Variants in DNAJA4 observed in about 807,000 individuals in gnomAD.
The protein encoded by DNAJA4 is dnaJ homolog subfamily A member 4.
Under a neutral mutation model 39.7 loss-of-function variants are expected in DNAJA4, and 32 were observed. The ratio of observed to expected loss-of-function variants is 0.81; its 90% CI spans 0.61 to 1.08. The LOEUF (loss-of-function observed/expected upper bound fraction) is 1.08. Among genes scored for constraint, DNAJA4 ranks in the 50% least tolerant of loss-of-function variants. The pLI is 0.00. For synonymous variants in DNAJA4, 184 were observed against 182.4 expected, an observed-to-expected ratio of 1.01 and a Z score of -0.07; for missense variants, 439 against 505.1, an observed-to-expected ratio of 0.87 and a Z score of 1.25.
chr15:78,267,185 T>TGTGAGTGTATGTGA (rs142469778), intron 1 of DNAJA4, among the ~76,000 whole-genome samples: 41 of 102,602 alleles, frequency 4.0e-4, no homozygotes, highest in African/African-American at 9.1e-4. Context: ...TGTGTGAGTG[T>TGTGAGTGTATGTGA]GTGTGTGAGT....
chr15:78,269,378 C>T (rs1472515359), intron 1 of DNAJA4, among the ~76,000 whole-genome samples: 21 of 152,140 alleles, frequency 1.4e-4, no homozygotes, highest in Admixed American at 1.4e-3. Flanking sequence ...TGCATGTTTT[C>T]GCATTCTGAT....
At chr15:78,267,124 T>TTGTGAGTGTG (rs1433356821) in intron 1 of DNAJA4, among the ~76,000 whole-genome samples, 7 of 77,190 alleles carry the variant, frequency 9.1e-5, no homozygotes, top group South Asian at 4.5e-4. Context: ...TGCAGGCCTT[T>TTGTGAGTGTG]TGTGAGTGTG....
chr15:78,280,543 G>T lies in DNAJA4; in HGVS notation c.*83G>T. On this transcript the variant is annotated 3_prime_UTR_variant, in exon 7 of 7. Coordinates refer to ENST00000394852, the MANE Select transcript of DNAJA4 (RefSeq NM_001130182.2). Reference sequence around the variant, plus strand: ...ACAATGAAAATGACATCGCTTTAATGGCCTTGTGTTTGGGATGTCCTGTGT... The same window carrying T: ...ACAATGAAAATGACATCGCTTTAATTGCCTTGTGTTTGGGATGTCCTGTGT... 8.1e-7 allele frequency: 1 copy of T among 1,230,720 alleles called. No homozygotes were observed. Among genetic ancestry groups the T allele is most frequent in the Non-Finnish European group, 1.1e-6 (1 of 885,512 alleles). 76.2% of individuals were successfully genotyped at this position (1,230,720 alleles called of 1,614,324 possible).
At chr15:78,264,374 C>A (rs777772738), upstream of DNAJA4, 21 of 1,443,282 alleles carry the variant, frequency 1.5e-5, no homozygotes, top group South Asian at 2.6e-4. Flanking sequence ...GCCAAAGGAG[C>A]AGACGCCCGA....
In DNAJA4 at chr15:78,270,582, A is replaced by G. The variant is rs1383669961; in HGVS notation, c.218A>G (p.Lys73Arg). 3.1e-6 allele frequency: 5 copies of G among 1,614,228 alleles called. No individual in the cohort carries two copies. The African/African-American group carries it at 4.0e-5, about 13-fold the overall frequency. ...GACCAAGGCGGAGAGCAGGCAATTA[A>G]AGAAGGAGGCTCAGGCAGCCCCAGC... ...VYDQGGEQAI[K>R]EGGSGSPSFS... The change falls in exon 2 of 7, where the codon AAA (lysine) becomes AGA (arginine). Residue 73 changes from lysine to arginine, a missense_variant. By Grantham distance (26) the Lys-to-Arg change is conservative (BLOSUM62 2). Coordinates refer to ENST00000394852, the MANE Select transcript of DNAJA4 (RefSeq NM_001130182.2).
In DNAJA4 at chr15:78,281,612, T is replaced by A. The variant is rs1202394225; in HGVS notation, c.*1152T>A. 3.3e-5 allele frequency: 5 copies of A among 152,264 alleles called. No individual in the cohort carries two copies. Among genetic ancestry groups the A allele is most frequent in the African/African-American group, 1.2e-4 (5 of 41,464 alleles). The allele number at this position is 152,264 out of a possible 1,614,324, so 9.4% of individuals were successfully genotyped here. A position where few individuals can be genotyped will look rare whatever the true frequency, so the allele number is the denominator to read the frequency against. ...TAGTCATTATTTTATTCATGACAGG[T>A]AGACTACAATTCGAACTTAGGGTTA... On this transcript the variant is annotated 3_prime_UTR_variant, in exon 7 of 7. Coordinates refer to ENST00000394852, the MANE Select transcript of DNAJA4 (RefSeq NM_001130182.2).
chr15:78,281,265 C>T lies in DNAJA4; in HGVS notation c.*805C>T, dbSNP rs1196878597. ...TGCTTACTTGTAAAGAAAACTAAAT[C>T]CTTCTGTGTCCCCGGCAGCCTCAGT... On this transcript the variant is annotated 3_prime_UTR_variant, in exon 7 of 7. Coordinates refer to ENST00000394852, the MANE Select transcript of DNAJA4 (RefSeq NM_001130182.2). 5 of 152,760 alleles carry T rather than the reference C, an allele frequency of 3.3e-5. No individual in the cohort carries two copies. In the South Asian group the frequency reaches 1.0e-3, roughly 32 times the overall value. The allele number at this position is 152,760 out of a possible 1,614,324, so 9.5% of individuals were successfully genotyped here.
At chr15:78,264,237 A>C, upstream of DNAJA4, 1 of 1,086,380 alleles carries the variant, frequency 9.2e-7, no homozygotes, top group Non-Finnish European at 1.2e-6. Context: ...CGGAAGGGCA[A>C]GGGGGCGGCC....
At chr15:78,266,299 TTCATGCC>T (rs750803205) in intron 1 of DNAJA4, 1 of 1,613,114 alleles carries the variant, frequency 6.2e-7, no homozygotes, top group South Asian at 1.1e-5. Flanking sequence ...CAAGAGTAAG[TTCATGCC>T]TCTGTGTATA....
Position 78,275,741 on chromosome 15 carries a change from A to G in DNAJA4, c.877+13A>G, listed in dbSNP as rs142259465. The stretch of plus-strand genomic sequence containing the variant: ...ACATCCAAAGCAGGTAATGTTTCAA[A>G]GTGTGTTTCCATTGATGTTCTGTAT... On this transcript the variant is annotated intron_variant, in intron 5 of 6. Coordinates refer to ENST00000394852, the MANE Select transcript of DNAJA4 (RefSeq NM_001130182.2). The G allele has an allele frequency of 2.5e-5, 39 of 1,570,050 alleles. No homozygotes were observed. In the African/African-American group the frequency reaches 5.1e-4, roughly 21 times the overall value.
upstream of DNAJA4, chr15:78,264,427 G>C: frequency 1.0e-5 from 14 of 1,343,150 alleles, no homozygotes; most frequent in Non-Finnish European, 1.3e-5. Flanking sequence ...CGGGCGTCGG[G>C]GGTCTGGGCC....
At chr15:78,269,029 G>T (rs986705742) in intron 1 of DNAJA4, among the ~76,000 whole-genome samples, 4 of 152,242 alleles carry the variant, frequency 2.6e-5, no homozygotes, top group African/African-American at 9.6e-5. Context: ...AGGCTGAGGT[G>T]CCTCTGAGGC....
intron 1 of DNAJA4, among the ~76,000 whole-genome samples, chr15:78,269,777 A>G (rs896865365): frequency 7.9e-5 from 12 of 151,582 alleles, no homozygotes; most frequent in Admixed American, 7.2e-4. Context: ...CTATCTTTTA[A>G]TTTTAGAGTA....
chr15:78,273,178 G>T lies in DNAJA4; in HGVS notation c.397G>T (p.Val133Leu). The change falls in exon 3 of 7, where the codon GTA becomes TTA. Residue 133 changes from valine to leucine, a missense_variant. Coordinates refer to ENST00000394852, the MANE Select transcript of DNAJA4 (RefSeq NM_001130182.2). ...GAAGAAATTGGCCCTCCAGAAAAATGTAATTTGTGAGAAATGTGAAGGTAA... is the reference window on the plus strand; with the variant it reads ...GAAGAAATTGGCCCTCCAGAAAAATTTAATTTGTGAGAAATGTGAAGGTAA... ...VTKKLALQKN[V>L]ICEKCEGVGG... The T allele has an allele frequency of 1.9e-6, 3 of 1,598,006 alleles. No homozygotes were observed. Among genetic ancestry groups the T allele is most frequent in the South Asian group, 2.2e-5 (2 of 90,748 alleles).
intron 1 of DNAJA4, chr15:78,266,242 C>T (rs776786246): frequency 1.2e-6 from 2 of 1,613,934 alleles, no homozygotes; most frequent in Non-Finnish European, 1.7e-6. Context: ...TGGCTAAAGA[C>T]ATGTGGGAAA....
chr15:78,275,328 C>G (rs2049421942), intron 4 of DNAJA4, 170 bp from the exon 5 acceptor site: 2 of 598,042 alleles, frequency 3.3e-6, no homozygotes, highest in Non-Finnish European at 5.9e-6. Flanking sequence ...GAAGCGGGAC[C>G]TCTTCTGTCA....
chr15:78,276,677 G>A (rs2141459923), intron 5 of DNAJA4, among the ~76,000 whole-genome samples: 1 of 152,408 alleles, frequency 6.6e-6, no homozygotes, highest in East Asian at 1.9e-4. Flanking sequence ...GCCATTTGCA[G>A]TGTTGCTGTA....
intron 1 of DNAJA4, among the ~76,000 whole-genome samples, chr15:78,265,097 G>A (rs931513110): frequency 1.4e-4 from 22 of 152,240 alleles, no homozygotes; most frequent in African/African-American, 5.3e-4. Context: ...GCCCGCGGAG[G>A]AGGCATGTGG....
At chr15:78,265,966 A>G (rs2049110664) in intron 1 of DNAJA4, 4 of 586,080 alleles carry the variant, frequency 6.8e-6, no homozygotes, top group East Asian at 5.6e-5. Flanking sequence ...CTGAATGGCA[A>G]CAGTGATGGA....
Sources: allele counts gnomAD v4.1 joint callset (sites outside exome capture counted in the v4.1 genomes callset), GRCh38; gene constraint gnomAD v4.1.1; transcripts MANE v1.5; gene names NCBI Gene and HGNC (gene_info 2026-07-23, HGNC 2026-07-21).